The following ZNF320 variants were observed in gnomAD, a reference collection of about 807,000 sequenced individuals.
The protein encoded by ZNF320 is zinc finger gene 320.
A neutral mutation model predicts 6.8 loss-of-function variants in ZNF320; 2 were observed. The ratio of observed to expected loss-of-function variants is 0.29; its 90% confidence interval spans 0.12 to 0.93. The LOEUF (loss-of-function observed/expected upper bound fraction) is 0.93, where lower values mean the gene tolerates loss of function less well. Among genes scored for constraint, ZNF320 ranks in the 40% least tolerant of loss-of-function variants. The pLI, the probability that ZNF320 is intolerant of heterozygous loss-of-function variation, is 0.55. For missense variants in ZNF320, 472 were observed against 611.0 expected (o/e 0.77, Z 2.40); for synonymous variants, 208 against 203.2 (o/e 1.02, Z -0.20).
At chr19:52,868,874 C>A (rs954520209) in intron 5 of ZNF320, among the ~76,000 whole-genome samples, 7 of 152,052 alleles carry the variant, frequency 4.6e-5, no homozygotes, top group African/African-American at 7.2e-5. Context: ...CTGATTTAGG[C>A]AGCCTCCAAT....
At position 52,864,741 on chromosome 19, in the gene ZNF320, C is replaced by T. The variant is rs189134391; in HGVS notation, c.224-582G>A. 3.2e-4 allele frequency among the ~76,000 whole-genome samples: 49 copies of T among 152,226 alleles called. No homozygotes were observed. In the East Asian group the frequency reaches 4.4e-3, roughly 14 times the overall value. On this transcript the variant is annotated intron_variant, in intron 5 of 5. Coordinates refer to the ZNF320 transcript ENST00000673631. ...AATAAAAATAAAAATTGGCCAGGTG[C>T]GGTGGCTCACGCTTTCAATCTCAGC...
At chr19:52,891,773 A>G (rs1482103657) in intron 2 of ZNF320, among the ~76,000 whole-genome samples, 1 of 152,162 alleles carries the variant, frequency 6.6e-6, no homozygotes, top group Non-Finnish European at 1.5e-5. Flanking sequence ...GACCTGCTTT[A>G]CATTTAGCTG....
At chr19:52,874,100 A>G (rs1306890499), downstream of ZNF320, 2 of 331,900 alleles carry the variant, frequency 6.0e-6, no homozygotes, top group Non-Finnish European at 1.2e-5. Context: ...CAGAGATTTA[A>G]TGTTTAGAAA....
In ZNF320 at chr19:52,880,807, G is replaced by A; in HGVS notation, c.1319C>T (p.Pro440Leu). ...RHRRIHTGEK[P>L]HKCGDCGKAF... ...TTTACCACAATCACCACACTTGTGA[G>A]GTTTCTCTCCTGTATGAATCCTCCT... The change falls in exon 6 of 6, where the codon CCT (proline) becomes CTT (leucine). Residue 440 changes from proline to leucine, a missense_variant. Physicochemically the swap from Pro to Leu is moderately conservative, Grantham distance 98. Transcript: ENST00000682928. The A allele has an allele frequency of 1.2e-6, 2 of 1,613,924 alleles. No homozygotes were observed. Among genetic ancestry groups the A allele is most frequent in the Non-Finnish European group, 1.7e-6 (2 of 1,179,850 alleles).
At chr19:52,869,533 G>T (rs2063641137) in intron 5 of ZNF320, among the ~76,000 whole-genome samples, 1 of 151,888 alleles carries the variant, frequency 6.6e-6, no homozygotes, top group Admixed American at 6.6e-5. Context: ...TAATAATAAT[G>T]ACAGGTTTTT....
At chr19:52,871,629 G>GA (rs2063682675), downstream of ZNF320, among the ~76,000 whole-genome samples, 1 of 152,130 alleles carries the variant, frequency 6.6e-6, no homozygotes, top group East Asian at 1.9e-4. Flanking sequence ...CTCACTCCCA[G>GA]AAAATCACAG....
chr19:52,902,771 A>G, the ZNF320 span, among the ~76,000 whole-genome samples: 1 of 152,326 alleles, frequency 6.6e-6, no homozygotes, highest in East Asian at 1.9e-4. Context: ...ATGTTTGACC[A>G]TAAGGTTAGA....
Position 52,880,698 on chromosome 19 carries a change from C to T in ZNF320, c.1428G>A (p.Lys476=). Residue 476 remains lysine (K), a synonymous_variant, in exon 6 of 6, where the codon AAG becomes AAA. Transcript: ENST00000682928. The part of the protein sequence containing the change: ...QKSYKCHQCG[K]VFSLRSLLAE... Reference sequence around the variant, plus strand: ...CAAGGAGTGACCTCAGACTAAAGACCTTGCCACACTGATGACATTTGTAAG... The same window carrying T: ...CAAGGAGTGACCTCAGACTAAAGACTTTGCCACACTGATGACATTTGTAAG... 6.2e-7 allele frequency: 1 copy of T among 1,613,924 alleles called. No homozygotes were observed. Among genetic ancestry groups the T allele is most frequent in the Non-Finnish European group, 8.5e-7 (1 of 1,179,858 alleles).
Position 52,863,927 on chromosome 19 carries a change from C to T in ZNF320, c.*102G>A, listed in dbSNP as rs563623627. ...ACGTGCCTGGAATCCCAGCTGTGTACATCAAAAGCACGTATGGGGCAAAAT... is the reference window on the plus strand; with the variant it reads ...ACGTGCCTGGAATCCCAGCTGTGTATATCAAAAGCACGTATGGGGCAAAAT... On this transcript the variant is annotated 3_prime_UTR_variant, in exon 6 of 6. Transcript: ENST00000673631. 4.9e-4 allele frequency: 179 copies of T among 364,302 alleles called. 1 individual carries two copies. The highest frequency in any genetic ancestry group is 3.7e-3 in the African/African-American group (167 of 44,912). 22.6% of individuals were successfully genotyped at this position (364,302 alleles called of 1,614,324 possible). A position where few individuals can be genotyped will look rare whatever the true frequency, so the allele number is the denominator to read the frequency against.
At chr19:52,890,122 G>C in intron 4 of ZNF320, 119 bp downstream of exon 4, 1 of 1,452,240 alleles carries the variant, frequency 6.9e-7, no homozygotes, top group Non-Finnish European at 9.5e-7. Flanking sequence ...GAAGGCATGG[G>C]TGATTGTGAG....
intron 1 of ZNF320, among the ~76,000 whole-genome samples, chr19:52,897,152 C>G (rs1320967814): frequency 3.3e-5 from 5 of 152,340 alleles, no homozygotes; most frequent in Middle Eastern, 3.4e-3. Flanking sequence ...TGCATATATT[C>G]GTTTTCCAGG....
At chr19:52,863,916 C>T (rs978942388) in exon 6 of ZNF320, 36 of 328,716 alleles carry the variant, frequency 1.1e-4, no homozygotes, top group Non-Finnish European at 2.1e-4. Flanking sequence ...GCCTGGAATC[C>T]CAGCTGTGTA....
chr19:52,875,996 A>T (rs1386521721), downstream of ZNF320, among the ~76,000 whole-genome samples: 1 of 152,292 alleles, frequency 6.6e-6, no homozygotes, highest in East Asian at 1.9e-4. Context: ...ATGAGATCTG[A>T]GCAAATGTTT....
chr19:52,880,378 AGG>A lies in ZNF320; in HGVS notation c.*216_*217del. 1 of 479,960 alleles carries A rather than the reference AGG, an allele frequency of 2.1e-6. No homozygotes were observed. The highest frequency in any genetic ancestry group is 3.6e-6 in the Non-Finnish European group (1 of 274,130). The allele number at this position is 479,960 out of a possible 1,614,324, so 29.7% of individuals were successfully genotyped here. ...TAAATAAATAAATAAAAGAACATAC[AGG>A]CTGGGAAAAGTGGCTCCCGTCTGTT... On this transcript the variant is annotated 3_prime_UTR_variant, in exon 6 of 6. Transcript: ENST00000682928.
At chr19:52,874,105 T>G (rs771698207), downstream of ZNF320, 3 of 319,080 alleles carry the variant, frequency 9.4e-6, no homozygotes, top group Admixed American at 3.8e-5. Context: ...ATTTAATGTT[T>G]AGAAATCACT....
At position 52,869,131 on chromosome 19, in the gene ZNF320, T is replaced by C. The variant is rs186494784; in HGVS notation, c.223+4861A>G. On this transcript the variant is annotated intron_variant, in intron 5 of 5. Coordinates refer to the ZNF320 transcript ENST00000673631. Reference sequence around the variant, plus strand: ...CTGTGGGAATATAATTCCACTAGGATAGACCAAATCTTGAGCTTGGAAGAA... The same window carrying C: ...CTGTGGGAATATAATTCCACTAGGACAGACCAAATCTTGAGCTTGGAAGAA... 9.2e-5 allele frequency among the ~76,000 whole-genome samples: 14 copies of C among 152,206 alleles called. No homozygotes were observed. The East Asian group carries it at 1.7e-3, about 19-fold the overall frequency.
intron 2 of ZNF320, among the ~76,000 whole-genome samples, chr19:52,893,038 C>T (rs1479961627): frequency 1.3e-5 from 2 of 151,954 alleles, no homozygotes; most frequent in Non-Finnish European, 2.9e-5. Context: ...TTGGCAAATC[C>T]CTCACCCATC....
intron 5 of ZNF320, among the ~76,000 whole-genome samples, chr19:52,886,822 C>A (rs2064094025): frequency 6.6e-6 from 1 of 151,962 alleles, no homozygotes; most frequent in Non-Finnish European, 1.5e-5. Flanking sequence ...GCAGTCCCAG[C>A]CTCCAAGAAA....
chr19:52,875,559 G>C (rs535248429), downstream of ZNF320, among the ~76,000 whole-genome samples: 7 of 152,232 alleles, frequency 4.6e-5, no homozygotes, highest in South Asian at 1.0e-3. Flanking sequence ...TCTCCTAAAG[G>C]AAAAGCCACA....
Sources: allele counts gnomAD v4.1 joint callset (sites outside exome capture counted in the v4.1 genomes callset), GRCh38; gene constraint gnomAD v4.1.1; transcripts MANE v1.5; gene names NCBI Gene and HGNC (gene_info 2026-07-23, HGNC 2026-07-21).